Variants in RIMS1 observed in about 807,000 individuals in gnomAD.
RIMS1 encodes regulating synaptic membrane exocytosis 1.
In RIMS1, 83 loss-of-function variants were observed where a neutral mutation model predicts 214.1. That is an observed-to-expected ratio of 0.39 (90% CI 0.32 to 0.47). The LOEUF (loss-of-function observed/expected upper bound fraction) is 0.47, where lower values mean the gene tolerates loss of function less well. Among genes scored for constraint, RIMS1 ranks in the 20% least tolerant of loss-of-function variants. RIMS1 has a pLI of 0.99. For missense variants in RIMS1, 2,050 were observed against 2,161.8 expected (o/e 0.95, Z 1.03); for synonymous variants, 793 against 786.8 (o/e 1.01, Z -0.13).
chr6:72,202,174 G>T (rs1389121777), intron 6 of RIMS1, among the ~76,000 whole-genome samples: 1 of 152,168 alleles, frequency 6.6e-6, no homozygotes, highest in Non-Finnish European at 1.5e-5. Context: ...TGAGGCTGCT[G>T]TGTACCACAT....
rs995769455 is a variant in RIMS1 at position 72,313,653 on chromosome 6, C to A, written c.4111C>A (p.Arg1371Ser). ...AAGCTTTATGTCAGAGCAATCTGAG[C>A]GCCCCAGGGGTAGAATCAGGTGAGT... is the stretch of plus-strand genomic sequence containing the variant. ...STSFMSEQSERPRGRISSFTP... is the reference protein window; with the variant it reads ...STSFMSEQSESPRGRISSFTP... The change falls in exon 28 of 34, where the codon CGC (arginine) becomes AGC (serine). Residue 1371 changes from arginine to serine, a missense_variant. Coordinates refer to ENST00000521978, the MANE Select transcript of RIMS1 (RefSeq NM_014989.7). 6.2e-7 allele frequency: 1 copy of A among 1,612,866 alleles called. No individual in the cohort carries two copies. The highest frequency in any genetic ancestry group is 1.7e-5 in the Admixed American group (1 of 59,876).
chr6:72,175,716 A>G (rs1224864913), intron 4 of RIMS1, among the ~76,000 whole-genome samples: 1 of 152,024 alleles, frequency 6.6e-6, no homozygotes. Flanking sequence ...CTCGTCGTGA[A>G]TCACCTTAGT....
intron 4 of RIMS1, among the ~76,000 whole-genome samples, chr6:72,110,969 G>T (rs903520544): frequency 1.3e-5 from 2 of 152,136 alleles, no homozygotes; most frequent in African/African-American, 4.8e-5. Context: ...AATAGGGAGT[G>T]TCTAAAATAA....
At chr6:72,059,735 C>T (rs929120789) in intron 2 of RIMS1, among the ~76,000 whole-genome samples, 2 of 152,020 alleles carry the variant, frequency 1.3e-5, no homozygotes, top group Admixed American at 6.5e-5. Flanking sequence ...ACTGACAGCC[C>T]GTGAACTGAA....
intron 1 of RIMS1, among the ~76,000 whole-genome samples, chr6:71,946,025 A>G (rs1477473115): frequency 1.3e-5 from 2 of 152,266 alleles, no homozygotes; most frequent in East Asian, 3.9e-4. Flanking sequence ...TACAAAAGCA[A>G]AATCCAAAAG....
At chr6:72,254,753 G>C (rs1374195248) in intron 16 of RIMS1, among the ~76,000 whole-genome samples, 1 of 152,170 alleles carries the variant, frequency 6.6e-6, no homozygotes, top group Non-Finnish European at 1.5e-5. Context: ...GTCAAAGTGA[G>C]TTATGGAATC....
chr6:71,963,334 A>G (rs1410773368), intron 1 of RIMS1, among the ~76,000 whole-genome samples: 1 of 152,144 alleles, frequency 6.6e-6, no homozygotes, highest in Non-Finnish European at 1.5e-5. Context: ...TACTTTCTTC[A>G]TCGGCCAAGT....
intron 30 of RIMS1, among the ~76,000 whole-genome samples, chr6:72,391,725 T>A (rs2154441092): frequency 6.6e-6 from 1 of 152,320 alleles, no homozygotes; most frequent in Non-Finnish European, 1.5e-5. Flanking sequence ...TATGCATGTT[T>A]CCAGTAAGGA....
chr6:72,106,474 T>A (rs1411369873), intron 4 of RIMS1, among the ~76,000 whole-genome samples: 2 of 152,188 alleles, frequency 1.3e-5, no homozygotes, highest in African/African-American at 2.4e-5. Context: ...ACAATGTCAG[T>A]CACTGAGCCA....
chr6:72,349,381 G>A (rs1167404761), intron 29 of RIMS1, among the ~76,000 whole-genome samples: 1 of 151,892 alleles, frequency 6.6e-6, no homozygotes, highest in African/African-American at 2.4e-5. Flanking sequence ...CTACATTTAG[G>A]AAAGTTTCAA....
At position 71,929,712 on chromosome 6, in the gene RIMS1, TA is replaced by T. The variant is rs35103052; in HGVS notation, c.165-39264del. On this transcript the variant is annotated intron_variant, in intron 1 of 33. Transcript: ENST00000521978. ...GGGAGGTTTTGAAAACCCTAAATTA[TA>T]AAAAAACATTTTTCTAAAAGTTCAG... 2.6e-5 allele frequency among the ~76,000 whole-genome samples: 4 copies of T among 151,816 alleles called. No homozygotes were observed. The South Asian group carries it at 6.2e-4, about 24-fold the overall frequency.
intron 2 of RIMS1, among the ~76,000 whole-genome samples, chr6:72,002,060 T>C (rs1218067403): frequency 6.6e-6 from 1 of 152,200 alleles, no homozygotes; most frequent in South Asian, 2.1e-4. Flanking sequence ...TTTGCCACTG[T>C]GTTGGTAAGA....
chr6:72,125,164 G>T (rs2039246441), intron 4 of RIMS1, among the ~76,000 whole-genome samples: 1 of 152,116 alleles, frequency 6.6e-6, no homozygotes, highest in Non-Finnish European at 1.5e-5. Flanking sequence ...ATGGGGTTTT[G>T]GTGTAGATGA....
chr6:72,054,582 A>G (rs774629611), intron 2 of RIMS1, among the ~76,000 whole-genome samples: 14 of 152,106 alleles, frequency 9.2e-5, no homozygotes, highest in Non-Finnish European at 1.9e-4. Flanking sequence ...AGCCTCGCCA[A>G]CATCTATTGT....
At chr6:72,068,970 C>T (rs1742378367) in intron 2 of RIMS1, among the ~76,000 whole-genome samples, 2 of 150,692 alleles carry the variant, frequency 1.3e-5, no homozygotes, top group South Asian at 4.2e-4. Flanking sequence ...AGGAATTGAA[C>T]TGAAGCAAGC....
chr6:72,014,400 C>A (rs965296040), intron 2 of RIMS1, among the ~76,000 whole-genome samples: 3 of 152,186 alleles, frequency 2.0e-5, no homozygotes, highest in African/African-American at 7.2e-5. Context: ...CATAATCTTT[C>A]AAGGTTCATC....
intron 4 of RIMS1, chr6:72,175,248 T>C: frequency 1.1e-5 from 2 of 177,104 alleles, no homozygotes; most frequent in South Asian, 2.0e-4. Flanking sequence ...TCTTAAAATT[T>C]ATCTGTAAAA....
In RIMS1 at chr6:72,258,208, C is replaced by T; in HGVS notation, c.2854C>T (p.Arg952Cys). ...GCAAAGAACAACTCATCACCGCTCA[C>T]GTTCAGTATCTCCTCATCGCGGCAA... ...EQQRTTHHRS[R>C]SVSPHRGNDQ... The change falls in exon 17 of 34, where the codon CGT (arginine) becomes TGT (cysteine). Residue 952 changes from arginine (R) to cysteine (C), a missense_variant. Arg to Cys is a radical substitution (Grantham distance 180). Around this residue, in one of 6 missense-constraint regions of RIMS1, gnomAD observed 889 missense variants for 885.5 expected, o/e 1.00. Coordinates refer to ENST00000521978, the MANE Select transcript of RIMS1 (RefSeq NM_014989.7). 5 of 1,613,380 alleles carry T rather than the reference C, an allele frequency of 3.1e-6. No individual in the cohort carries two copies. The East Asian group carries it at 6.7e-5, about 22-fold the overall frequency.
chr6:72,131,864 C>A (rs1431585080), intron 4 of RIMS1, among the ~76,000 whole-genome samples: 3 of 152,120 alleles, frequency 2.0e-5, no homozygotes, highest in Admixed American at 6.6e-5. Context: ...TATAGACCCA[C>A]CCCCAGGCGC....
Sources: gnomAD v4.1 joint callset for allele counts (sites outside exome capture counted in the v4.1 genomes callset) on GRCh38, gnomAD v4.1.1 for gene constraint, gnomAD v4.1.1 regional missense constraint, MANE v1.5 for transcripts, NCBI Gene and HGNC (gene_info 2026-07-23, HGNC 2026-07-21) for gene names.